Variants in EXOG observed in about 807,000 individuals in gnomAD.
EXOG encodes exo/endonuclease G.
Under a neutral mutation model 25.8 loss-of-function variants are expected in EXOG, and 27 were observed. That is an observed-to-expected ratio of 1.05 (90% CI 0.77 to 1.45). The LOEUF is 1.45. Ranked by LOEUF, EXOG falls within the 40% of genes most tolerant of loss-of-function variation. The pLI, the probability that EXOG is intolerant of heterozygous loss-of-function variation, is 0.00. For missense variants in EXOG, 458 were observed against 450.5 expected (o/e 1.02, Z -0.15); for synonymous variants, 133 against 167.0 (o/e 0.80, Z 1.57).
rs149286472 is a variant in EXOG at position 38,522,394 on chromosome 3, G to A, written c.646-1507G>A. On this transcript the variant is annotated intron_variant, in intron 5 of 5. Transcript: ENST00000287675. ...ACTGACTCTTACCAGGGAAGGGCCC[G>A]GGAGGGGCAGTAATACCAATGAGCA... Among the ~76,000 whole-genome samples, 290 of 152,364 alleles carry A rather than the reference G, an allele frequency of 1.9e-3. 1 individual carries two copies. The highest frequency in any genetic ancestry group is 6.5e-3 in the African/African-American group (269 of 41,586).
chr3:38,497,099 G>T, intron 1 of EXOG: 1 of 993,408 alleles, frequency 1.0e-6, no homozygotes, highest in African/African-American at 1.8e-5. Context: ...AAATTAACAC[G>T]AGCTCATTTC....
chr3:38,522,917 T>C (rs913684300), intron 5 of EXOG, among the ~76,000 whole-genome samples: 6 of 152,272 alleles, frequency 3.9e-5, no homozygotes, highest in Non-Finnish European at 8.8e-5. Flanking sequence ...GGCTCTGGCT[T>C]CTTCATTGTG....
At chr3:38,516,716 C>A (rs1173037339) in intron 5 of EXOG, among the ~76,000 whole-genome samples, 2 of 152,008 alleles carry the variant, frequency 1.3e-5, no homozygotes, top group African/African-American at 4.8e-5. Flanking sequence ...AGTATCCAAC[C>A]AGGATTGAGC....
chr3:38,500,261 G>C (rs990406672), intron 2 of EXOG: 5 of 152,592 alleles, frequency 3.3e-5, no homozygotes, highest in Admixed American at 1.3e-4. Context: ...GGTTTAATAC[G>C]GTTCTCCACT....
chr3:38,496,581 A>C (rs550761831), intron 1 of EXOG, 51 bp downstream of exon 1: 138 of 1,576,368 alleles, frequency 8.8e-5, no homozygotes, highest in Admixed American at 1.7e-4. Context: ...TCGGGCTCCG[A>C]CTCCTACCTG....
At chr3:38,516,895 T>C (rs1232197954) in intron 5 of EXOG, among the ~76,000 whole-genome samples, 3 of 152,208 alleles carry the variant, frequency 2.0e-5, no homozygotes, top group Admixed American at 6.5e-5. Context: ...CATTATGTTT[T>C]TGGCAGAATG....
Position 38,518,200 on chromosome 3 carries a change from T to C in EXOG, c.646-5701T>C, listed in dbSNP as rs535467646. Among the ~76,000 whole-genome samples the C allele has an allele frequency of 5.9e-5, 9 of 152,246 alleles. No homozygotes were observed. The South Asian group carries it at 8.3e-4, about 14-fold the overall frequency. On this transcript the variant is annotated intron_variant, in intron 5 of 5. Transcript: ENST00000287675. The stretch of plus-strand genomic sequence containing the variant: ...AAGAGATGAGAAGCGATAGGATATA[T>C]GCTGAGAAAACAGTTAAGTTAGAGC...
intron 5 of EXOG, among the ~76,000 whole-genome samples, chr3:38,521,264 C>T (rs1410259104): frequency 6.6e-6 from 1 of 152,230 alleles, no homozygotes; most frequent in Non-Finnish European, 1.5e-5. Context: ...GTAGAAGGAT[C>T]ACACCTGTGA....
intron 5 of EXOG, among the ~76,000 whole-genome samples, chr3:38,514,927 C>T (rs192040802): frequency 4.6e-5 from 7 of 152,094 alleles, no homozygotes; most frequent in Admixed American, 4.6e-4. Flanking sequence ...CCTGCCACCA[C>T]ATTTGGCTAA....
intron 2 of EXOG, chr3:38,499,732 G>A: frequency 2.2e-6 from 1 of 452,796 alleles, no homozygotes; most frequent in Non-Finnish European, 4.4e-6. Context: ...AGCCTCCTGA[G>A]TAGCTGGGAT....
intron 5 of EXOG, chr3:38,515,311 G>A (rs11717146): frequency 0.063 from 9,554 of 152,316 alleles, 390 homozygotes; most frequent in South Asian, 0.1. Context: ...GGATGGAGAA[G>A]AAGAGGATTA....
intron 2 of EXOG, 22 bp downstream of exon 2, chr3:38,497,800 C>T (rs371988526): frequency 3.0e-5 from 47 of 1,581,326 alleles, no homozygotes; most frequent in African/African-American, 4.1e-5. Context: ...GATAAAAAAA[C>T]TGAAGTAACA....
intron 4 of EXOG, among the ~76,000 whole-genome samples, chr3:38,504,396 T>G (rs2060136846): frequency 6.6e-6 from 1 of 152,016 alleles, no homozygotes; most frequent in Non-Finnish European, 1.5e-5. Flanking sequence ...TTAAAAAAAG[T>G]TGGGGTATAG....
intron 5 of EXOG, among the ~76,000 whole-genome samples, chr3:38,511,841 G>A (rs1384775662): frequency 1.3e-5 from 2 of 152,170 alleles, no homozygotes; most frequent in African/African-American, 4.8e-5. Flanking sequence ...TTACCTCACC[G>A]AGTTGCTAGT....
At chr3:38,514,262 CCT>C (rs2060464245) in intron 5 of EXOG, among the ~76,000 whole-genome samples, 1 of 152,098 alleles carries the variant, frequency 6.6e-6, no homozygotes, top group Admixed American at 6.5e-5. Context: ...AAGTGTGGAA[CCT>C]GGAAGGCCAG....
chr3:38,525,450 T>A lies in EXOG; in HGVS notation c.*1088T>A. 2.0e-6 allele frequency: 2 copies of A among 985,330 alleles called. No homozygotes were observed. The highest frequency in any genetic ancestry group is 2.4e-6 in the Non-Finnish European group (2 of 829,850). The allele number at this position is 985,330 out of a possible 1,614,324, so 61.0% of individuals were successfully genotyped here. On this transcript the variant is annotated 3_prime_UTR_variant, in exon 6 of 6. Transcript: ENST00000287675. ...TATGCAAGCCAAAGGGACTTTAATG[T>A]TCTTTGAATTGAACCCTCCTTAGCT...
chr3:38,508,002 G>A (rs1318041620), intron 5 of EXOG, among the ~76,000 whole-genome samples: 1 of 152,054 alleles, frequency 6.6e-6, no homozygotes, highest in African/African-American at 2.4e-5. Flanking sequence ...GTGGTGGCGT[G>A]TGCCTGTAGT....
chr3:38,499,973 T>G (rs1279960576), intron 2 of EXOG: 3 of 285,300 alleles, frequency 1.1e-5, no homozygotes, highest in Non-Finnish European at 2.1e-5. Context: ...TCACCCAAGG[T>G]AGATTGTCCT....
At chr3:38,508,689 C>G (rs1031412069) in intron 5 of EXOG, among the ~76,000 whole-genome samples, 2 of 149,542 alleles carry the variant, frequency 1.3e-5, no homozygotes, top group Non-Finnish European at 2.9e-5. Flanking sequence ...ATTTAATAAC[C>G]TGAGGAACAG....
Sources: allele counts gnomAD v4.1 joint callset (sites outside exome capture counted in the v4.1 genomes callset), GRCh38; gene constraint gnomAD v4.1.1; transcripts MANE v1.5; gene names NCBI Gene and HGNC (gene_info 2026-07-23, HGNC 2026-07-21).